Variants in ZNF354B observed in about 807,000 individuals in gnomAD.
ZNF354B encodes zinc finger protein 354B.
In ZNF354B, 10 loss-of-function variants were observed where a neutral mutation model predicts 12.9. The observed-to-expected ratio is 0.77, with a 90% confidence interval of 0.48 to 1.31. The LOEUF is 1.31. Among genes scored for constraint, ZNF354B ranks in the 40% most tolerant of loss-of-function variants. The probability of loss-of-function intolerance (pLI) is 0.00; values close to 1 mark genes in which losing one functional copy is unlikely to be tolerated. For synonymous variants in ZNF354B, 260 were observed against 243.7 expected, an observed-to-expected ratio of 1.07 and a Z score of -0.62; for missense variants, 614 against 711.7, an observed-to-expected ratio of 0.86 and a Z score of 1.56.
chr5:178,883,266 TGTAAA>T lies in ZNF354B; in HGVS notation c.816_820del (p.Cys272Ter). 6.2e-7 allele frequency: 1 copy of T among 1,613,262 alleles called. No homozygotes were observed. Among genetic ancestry groups the T allele is most frequent in the Non-Finnish European group, 8.5e-7 (1 of 1,179,814 alleles). ...TCATACAGGAGAGAAACCCTATATA[TGTAAA>T]GAATGTGGGAAAGCCTTCAGCCATA... On this transcript the variant is annotated frameshift_variant, in exon 5 of 5. Transcript: ENST00000322434. LOFTEE classifies it low-confidence loss of function (END_TRUNC).
intron 4 of ZNF354B, among the ~76,000 whole-genome samples, chr5:178,878,233 A>G (rs571380608): frequency 1.5e-4 from 23 of 152,180 alleles, no homozygotes; most frequent in African/African-American, 4.8e-4. Flanking sequence ...AATACAAAAA[A>G]TTAGCCAGGC....
Position 178,883,675 on chromosome 5 carries a change from A to T in ZNF354B, c.1223A>T (p.Lys408Met). Residue 408 changes from lysine to methionine, a missense_variant, in exon 5 of 5, where the codon AAG becomes ATG. Transcript: ENST00000322434. ...IQHERIHTGEKPYRCNECGKG... is the reference protein window; with the variant it reads ...IQHERIHTGEMPYRCNECGKG... ...CATGAAAGAATTCACACCGGAGAAAAGCCCTATAGATGCAATGAATGTGGG... is the reference window on the plus strand; with the variant it reads ...CATGAAAGAATTCACACCGGAGAAATGCCCTATAGATGCAATGAATGTGGG... 6.2e-7 allele frequency: 1 copy of T among 1,614,106 alleles called. No individual in the cohort carries two copies. The highest frequency in any genetic ancestry group is 1.1e-5 in the South Asian group (1 of 91,078).
chr5:178,864,002 A>G (rs1012370540), intron 2 of ZNF354B, among the ~76,000 whole-genome samples: 2 of 152,248 alleles, frequency 1.3e-5, no homozygotes, highest in Admixed American at 1.3e-4. Context: ...AAGTTTGAAA[A>G]AATTAAAAAG....
chr5:178,865,243 C>T (rs1032244810), intron 2 of ZNF354B, among the ~76,000 whole-genome samples: 1 of 151,910 alleles, frequency 6.6e-6, no homozygotes, highest in Non-Finnish European at 1.5e-5. Context: ...CGCTCTACCA[C>T]TGAACAGCTG....
At chr5:178,869,714 C>G (rs568267374) in intron 4 of ZNF354B, among the ~76,000 whole-genome samples, 2 of 152,014 alleles carry the variant, frequency 1.3e-5, no homozygotes, top group South Asian at 2.1e-4. Flanking sequence ...GGAGGATGGC[C>G]CTGCGGGAAA....
chr5:178,863,270 A>G (rs1424233221), intron 2 of ZNF354B, among the ~76,000 whole-genome samples: 1 of 152,220 alleles, frequency 6.6e-6, no homozygotes, highest in Non-Finnish European at 1.5e-5. Context: ...ATATATATGT[A>G]TGTTTATGGA....
intron 4 of ZNF354B, among the ~76,000 whole-genome samples, chr5:178,867,393 G>A (rs1376038668): frequency 2.0e-5 from 3 of 152,220 alleles, no homozygotes; most frequent in Admixed American, 6.5e-5. Context: ...TGGGAAAGGA[G>A]GAGGTGAGGA....
At position 178,862,756 on chromosome 5, in the gene ZNF354B, C is replaced by T. The variant is rs1757381020; in HGVS notation, c.33+1676C>T. On this transcript the variant is annotated intron_variant, in intron 2 of 4. Transcript: ENST00000322434. ...ATTGTGCATTTGAGCTGGTATTTGT[C>T]CTCGAAGGCATTCCTATTCCATTCT... Among the ~76,000 whole-genome samples, 3 of 152,162 alleles carry T rather than the reference C, an allele frequency of 2.0e-5. No homozygotes were observed. In the South Asian group the frequency reaches 6.2e-4, roughly 32 times the overall value.
intron 4 of ZNF354B, among the ~76,000 whole-genome samples, chr5:178,870,900 T>G (rs576414183): frequency 6.6e-6 from 1 of 152,220 alleles, no homozygotes; most frequent in Admixed American, 6.5e-5. Flanking sequence ...CCTCAAGCAA[T>G]CCTCCCATGT....
chr5:178,882,877 A>C lies in ZNF354B; in HGVS notation c.425A>C (p.Gln142Pro), dbSNP rs373402941. 8.7e-6 allele frequency: 14 copies of C among 1,600,852 alleles called. No homozygotes were observed. The highest frequency in any genetic ancestry group is 3.3e-4 in the Middle Eastern group (2 of 6,004). Residue 142 changes from glutamine (Q) to proline (P), a missense_variant, in exon 5 of 5, where the codon CAA (glutamine) becomes CCA (proline). By Grantham distance (76) the Gln-to-Pro change is moderately conservative. Coordinates refer to ENST00000322434, the MANE Select transcript of ZNF354B (RefSeq NM_058230.3). The stretch of plus-strand genomic sequence containing the variant: ...CAGCAGGACAAAAATGAAAATTTAC[A>C]AATAATTTCAGTTGCCCATACAAAA... ...KKQQDKNENL[Q>P]IISVAHTKIL... is the part of the protein sequence containing the mutation.
At chr5:178,880,182 C>T (rs1248914603) in intron 4 of ZNF354B, among the ~76,000 whole-genome samples, 1 of 151,886 alleles carries the variant, frequency 6.6e-6, no homozygotes, top group Non-Finnish European at 1.5e-5. Context: ...ATTCGTCATC[C>T]AATTTCTTTT....
intron 4 of ZNF354B, among the ~76,000 whole-genome samples, chr5:178,868,792 G>A (rs1757506763): frequency 6.6e-6 from 1 of 152,090 alleles, no homozygotes; most frequent in Admixed American, 6.6e-5. Context: ...CTAACATGGT[G>A]AAACCCCGTC....
chr5:178,880,336 A>G (rs752927549), intron 4 of ZNF354B, among the ~76,000 whole-genome samples: 1 of 150,628 alleles, frequency 6.6e-6, no homozygotes, highest in Non-Finnish European at 1.5e-5. Context: ...AATAGCTGGG[A>G]GTGTAGGGGC....
At position 178,882,916 on chromosome 5, in the gene ZNF354B, A is replaced by T; in HGVS notation, c.464A>T (p.Asp155Val). ...GCCCATACAAAAATCCTTACTGTAG[A>T]TAGAAGCCATAAAAATGTTGAATTT... ...SVAHTKILTV[D>V]RSHKNVEFGQ... Residue 155 changes from aspartate (D) to valine (V), a missense_variant, in exon 5 of 5, where the codon GAT becomes GTT. By Grantham distance (152) the Asp-to-Val change is radical. Transcript: ENST00000322434. 2 of 1,601,332 alleles carry T rather than the reference A, an allele frequency of 1.2e-6. No homozygotes were observed. The highest frequency in any genetic ancestry group is 1.7e-6 in the Non-Finnish European group (2 of 1,176,902).
intron 4 of ZNF354B, among the ~76,000 whole-genome samples, chr5:178,880,992 G>A (rs1378894825): frequency 3.3e-5 from 5 of 151,768 alleles, no homozygotes; most frequent in Admixed American, 1.3e-4. Flanking sequence ...ACAGGCGCCC[G>A]CCACCAAGTC....
At chr5:178,861,601 G>A (rs115090233) in intron 2 of ZNF354B, among the ~76,000 whole-genome samples, 1 of 152,180 alleles carries the variant, frequency 6.6e-6, no homozygotes, top group Non-Finnish European at 1.5e-5. Flanking sequence ...TGGGAATGAG[G>A]AGGCCACCCT....
At position 178,883,049 on chromosome 5, in the gene ZNF354B, A is replaced by G. The variant is rs1297706020; in HGVS notation, c.597A>G (p.Ser199=). The change falls in exon 5 of 5, where the codon TCA becomes TCG. Residue 199 remains serine (S), a synonymous_variant. Coordinates refer to ENST00000322434, the MANE Select transcript of ZNF354B (RefSeq NM_058230.3). ...EIQRNSFKQN[S]NLLNQSKIKT... is the part of the protein sequence containing the mutation. ...AAAGAAATAGTTTCAAGCAGAATTC[A>G]AATTTACTTAACCAATCAAAAATCA... The G allele has an allele frequency of 1.1e-5, 18 of 1,605,290 alleles. No individual in the cohort carries two copies. The highest frequency in any genetic ancestry group is 1.4e-5 in the Non-Finnish European group (17 of 1,177,994).
chr5:178,860,382 C>T (rs887309878), intron 1 of ZNF354B, among the ~76,000 whole-genome samples: 2 of 143,452 alleles, frequency 1.4e-5, no homozygotes, highest in African/African-American at 5.0e-5. Flanking sequence ...CTGCGCGCGC[C>T]GTGTGGGCCT....
chr5:178,867,058 T>C lies in ZNF354B; in HGVS notation c.243T>C (p.Gly81=), dbSNP rs11952817. The part of the protein sequence containing the change: ...DPWEVEKDSS[G]VSSLGCKSTP... The stretch of plus-strand genomic sequence containing the variant: ...GGGAGGTGGAGAAAGACAGTTCTGG[T>C]GTCTCCTCTCTAGGTAAGTGGGTGG... Residue 81 remains glycine, a synonymous_variant, in exon 4 of 5, where the codon GGT becomes GGC. Transcript: ENST00000322434. The C allele has an allele frequency of 0.38, 612,648 of 1,612,302 alleles. 119,120 individuals carry two copies. The highest frequency in any genetic ancestry group is 0.4 in the Non-Finnish European group (466,672 of 1,179,430).
Sources: gnomAD v4.1 joint callset for allele counts (sites outside exome capture counted in the v4.1 genomes callset) on GRCh38, gnomAD v4.1.1 for gene constraint, MANE v1.5 for transcripts, NCBI Gene and HGNC (gene_info 2026-07-23, HGNC 2026-07-21) for gene names.